The following SOX5 variants were observed in gnomAD, a reference collection of about 807,000 sequenced individuals.
SOX5 encodes the protein SRY-box transcription factor 5, also known as transcription factor SOX-5.
In SOX5, 9 loss-of-function variants were observed where a neutral mutation model predicts 92.0. The ratio of observed to expected loss-of-function variants is 0.10; its 90% CI spans 0.06 to 0.17. The LOEUF is 0.17. Ranked by LOEUF, SOX5 falls within the 10% of genes least tolerant of loss-of-function variation. SOX5 has a pLI of 1.00. For missense variants in SOX5, 642 were observed against 944.5 expected (o/e 0.68, Z 4.20); for synonymous variants, 344 against 336.3 (o/e 1.02, Z -0.25).
intron 1 of SOX5, among the ~76,000 whole-genome samples, chr12:23,907,324 T>C (rs2097304767): frequency 1.3e-5 from 2 of 152,174 alleles, no homozygotes; most frequent in Admixed American, 1.3e-4. Context: ...ACATCAATAT[T>C]CTTTCTTTTT....
chr12:24,263,542 A>AAAAC (rs1942537212), intron 3 of SOX5, among the ~76,000 whole-genome samples: 1 of 118,434 alleles, frequency 8.4e-6, no homozygotes, highest in Non-Finnish European at 1.7e-5. Flanking sequence ...AAAAAAAAAC[A>AAAAC]AAAAAAAAAA....
chr12:24,016,539 A>T (rs564234192), intron 4 of SOX5, among the ~76,000 whole-genome samples: 1 of 152,220 alleles, frequency 6.6e-6, no homozygotes, highest in East Asian at 1.9e-4. Context: ...TCACAGAGTA[A>T]TTAAAAGGTA....
chr12:23,539,621 G>A (rs1188744862), intron 13 of SOX5, among the ~76,000 whole-genome samples: 2 of 145,096 alleles, frequency 1.4e-5, no homozygotes, highest in African/African-American at 5.1e-5. Context: ...AAAAAAAAAA[G>A]AGGAAAAAAA....
At chr12:24,107,873 C>G (rs1946864127) in intron 4 of SOX5, among the ~76,000 whole-genome samples, 2 of 152,284 alleles carry the variant, frequency 1.3e-5, no homozygotes, top group Admixed American at 1.3e-4. Flanking sequence ...ATTTAAATAT[C>G]AGGCAATTTT....
intron 9 of SOX5, among the ~76,000 whole-genome samples, chr12:23,584,996 AT>A (rs1178046446): frequency 6.6e-6 from 1 of 152,110 alleles, no homozygotes; most frequent in Non-Finnish European, 1.5e-5. Flanking sequence ...ATAGAAAAAA[AT>A]TTACTAGATA....
chr12:24,235,157 T>G (rs1464785730), intron 3 of SOX5, among the ~76,000 whole-genome samples: 1 of 152,218 alleles, frequency 6.6e-6, no homozygotes, highest in East Asian at 1.9e-4. Context: ...TTTGCTACAT[T>G]ATTCTGCTGT....
At chr12:24,266,127 T>A (rs887144581) in intron 3 of SOX5, among the ~76,000 whole-genome samples, 16 of 151,456 alleles carry the variant, frequency 1.1e-4, no homozygotes, top group African/African-American at 3.9e-4. Flanking sequence ...TTGCCCAGGC[T>A]GGTTTCGAAC....
At chr12:24,123,741 A>G (rs1948842140) in intron 4 of SOX5, among the ~76,000 whole-genome samples, 1 of 152,250 alleles carries the variant, frequency 6.6e-6, no homozygotes. Context: ...CATAAATACC[A>G]TCAGGCATAT....
chr12:23,877,227 T>G (rs1289792853), intron 2 of SOX5, among the ~76,000 whole-genome samples: 2 of 152,236 alleles, frequency 1.3e-5, no homozygotes. Context: ...TTCTTTTCTT[T>G]TCCTTTTTTT....
chr12:24,540,180 A>T (rs12319785), intron 1 of SOX5, among the ~76,000 whole-genome samples: 12,148 of 152,198 alleles, frequency 0.08, 1,541 homozygotes, highest in African/African-American at 0.27. Flanking sequence ...CCAACATAGG[A>T]TTAGCATTGT....
At chr12:23,907,993 G>T (rs2097311300) in intron 1 of SOX5, among the ~76,000 whole-genome samples, 1 of 152,024 alleles carries the variant, frequency 6.6e-6, no homozygotes. Context: ...CTGTTAAAGT[G>T]CCCATCCCCA....
At chr12:24,214,328 T>C (rs1012960851) in intron 3 of SOX5, among the ~76,000 whole-genome samples, 48 of 152,252 alleles carry the variant, frequency 3.2e-4, no homozygotes, top group African/African-American at 1.2e-3. Context: ...TCTGGGAATG[T>C]TTTTGCAAAT....
chr12:24,339,163 C>CCCCCCACA (rs141671017), intron 2 of SOX5, among the ~76,000 whole-genome samples: 4 of 140,382 alleles, frequency 2.8e-5, no homozygotes, highest in Non-Finnish European at 4.6e-5. Flanking sequence ...TCTCTCTCTG[C>CCCCCCACA]CACACACACA....
intron 1 of SOX5, among the ~76,000 whole-genome samples, chr12:24,396,093 T>C (rs1296408894): frequency 1.3e-5 from 2 of 152,218 alleles, no homozygotes; most frequent in East Asian, 3.8e-4. Flanking sequence ...ATGCATTTGG[T>C]TAAGTGTCTA....
At chr12:24,417,187 T>C (rs1001128213) in intron 1 of SOX5, among the ~76,000 whole-genome samples, 1 of 152,340 alleles carries the variant, frequency 6.6e-6, no homozygotes, top group Admixed American at 6.5e-5. Flanking sequence ...GCTACGAGAC[T>C]GGACAGAGTG....
intron 4 of SOX5, among the ~76,000 whole-genome samples, chr12:24,097,162 G>A (rs557158226): frequency 6.6e-6 from 1 of 152,148 alleles, no homozygotes; most frequent in Admixed American, 6.5e-5. Flanking sequence ...TTATAGGTAC[G>A]TGGTGGCTAT....
At chr12:23,951,556 AATTT>A (rs1476547152), upstream of SOX5, among the ~76,000 whole-genome samples, 2 of 152,160 alleles carry the variant, frequency 1.3e-5, no homozygotes, top group Admixed American at 6.5e-5. Flanking sequence ...TATATTAGTA[AATTT>A]ATTTTTCATT....
rs1011029971 is a variant in SOX5 at position 23,529,953 on chromosome 12, T to G, written c.*4266A>C. ...CCAGTGGAGCTATATAAATACTGTT[T>G]TAGTGAACCAGTGACGGAAACACTG... On this transcript the variant is annotated 3_prime_UTR_variant, in exon 15 of 15. Transcript: ENST00000451604. 1 of 152,140 alleles carries G rather than the reference T, an allele frequency of 6.6e-6. No homozygotes were observed. Among genetic ancestry groups the G allele is most frequent in the Admixed American group, 6.6e-5 (1 of 15,258 alleles). 9.4% of individuals were successfully genotyped at this position (152,140 alleles called of 1,614,324 possible).
chr12:23,591,756 G>A (rs1354005200), intron 9 of SOX5, among the ~76,000 whole-genome samples: 1 of 152,096 alleles, frequency 6.6e-6, no homozygotes, highest in Non-Finnish European at 1.5e-5. Context: ...GTTGCATAGA[G>A]AAGTATAGAA....
Sources: allele counts gnomAD v4.1 joint callset (sites outside exome capture counted in the v4.1 genomes callset), GRCh38; gene constraint gnomAD v4.1.1; transcripts MANE v1.5; gene names NCBI Gene and HGNC (gene_info 2026-07-23, HGNC 2026-07-21).